The following PLD1 variants were observed in gnomAD, a reference collection of about 807,000 sequenced individuals.
PLD1 encodes the protein phospholipase D1, also known as choline phosphatase 1.
Under a neutral mutation model 137.1 loss-of-function variants are expected in PLD1, and 112 were observed. The observed-to-expected ratio is 0.82, with a 90% CI of 0.70 to 0.96. The LOEUF (loss-of-function observed/expected upper bound fraction) is 0.96. PLD1 is among the 40% of genes least tolerant of loss of function. The pLI, the probability that PLD1 is intolerant of heterozygous loss-of-function variation, is 0.00. For synonymous variants in PLD1, 431 were observed against 454.7 expected (o/e 0.95, Z 0.66); for missense variants, 1,321 against 1,342.0 (o/e 0.98, Z 0.24).
intron 23 of PLD1, among the ~76,000 whole-genome samples, chr3:171,634,379 A>C (rs1734932098): frequency 1.3e-5 from 2 of 152,162 alleles, no homozygotes; most frequent in South Asian, 4.1e-4. Context: ...GCATTTTTAC[A>C]AGCCACTGCC....
At chr3:171,640,165 C>T (rs1007717997) in intron 23 of PLD1, among the ~76,000 whole-genome samples, 6 of 151,390 alleles carry the variant, frequency 4.0e-5, no homozygotes, top group Non-Finnish European at 7.4e-5. Flanking sequence ...TCATTTATTT[C>T]CCCTCCAATC....
chr3:171,800,593 C>T (rs930147981), intron 1 of PLD1, among the ~76,000 whole-genome samples: 1 of 152,168 alleles, frequency 6.6e-6, no homozygotes, highest in Non-Finnish European at 1.5e-5. Context: ...TAGAGATGCT[C>T]CAGAAGTCTG....
chr3:171,768,905 T>C (rs748590309), intron 1 of PLD1, among the ~76,000 whole-genome samples: 8 of 152,216 alleles, frequency 5.3e-5, no homozygotes, highest in Non-Finnish European at 1.0e-4. Flanking sequence ...ATGAGACAAA[T>C]GCTCATCTCT....
intron 23 of PLD1, among the ~76,000 whole-genome samples, chr3:171,639,487 A>C (rs1262008870): frequency 4.1e-4 from 48 of 116,452 alleles, no homozygotes; most frequent in African/African-American, 1.5e-3. Flanking sequence ...TAATAGATAA[A>C]TATTTTATTT....
At chr3:171,789,453 A>G (rs1161088644) in intron 1 of PLD1, 1 of 152,274 alleles carries the variant, frequency 6.6e-6, no homozygotes, top group African/African-American at 2.4e-5. Flanking sequence ...CTTCAGAAAG[A>G]TGGCTCTGTA....
At chr3:171,712,430 A>T (rs1717337030) in intron 9 of PLD1, among the ~76,000 whole-genome samples, 1 of 152,256 alleles carries the variant, frequency 6.6e-6, no homozygotes. Flanking sequence ...GAGTAACAAG[A>T]TAAGACATTA....
At chr3:171,649,206 T>C (rs556954787) in intron 21 of PLD1, among the ~76,000 whole-genome samples, 68 of 152,292 alleles carry the variant, frequency 4.5e-4, no homozygotes, top group African/African-American at 1.6e-3. Context: ...TCTTGCAAAT[T>C]TTAGTTTGTA....
chr3:171,791,875 GAA>G (rs1353681799), intron 1 of PLD1: 5 of 152,304 alleles, frequency 3.3e-5, no homozygotes, highest in Non-Finnish European at 5.9e-5. Flanking sequence ...ACAATGGGCC[GAA>G]GTGTTCCCAG....
intron 23 of PLD1, among the ~76,000 whole-genome samples, chr3:171,642,337 A>G (rs1195790978): frequency 1.3e-5 from 2 of 151,636 alleles, no homozygotes; most frequent in African/African-American, 4.8e-5. Context: ...CACACCTGTA[A>G]TCCCAGCTAC....
intron 21 of PLD1, among the ~76,000 whole-genome samples, chr3:171,652,109 C>T (rs556375039): frequency 6.6e-6 from 1 of 152,148 alleles, no homozygotes; most frequent in South Asian, 2.1e-4. Context: ...CAATGATTGG[C>T]ATACTTAGAT....
chr3:171,730,637 C>A (rs1376937883), intron 6 of PLD1, among the ~76,000 whole-genome samples: 1 of 122,074 alleles, frequency 8.2e-6, no homozygotes, highest in African/African-American at 3.3e-5. Flanking sequence ...TATAATAAAT[C>A]TATCTCCACT....
intron 1 of PLD1, among the ~76,000 whole-genome samples, chr3:171,750,338 C>A (rs1720566076): frequency 6.6e-6 from 1 of 151,794 alleles, no homozygotes; most frequent in African/African-American, 2.4e-5. Context: ...ATCTGAAGGA[C>A]AGACAGAGGG....
At chr3:171,609,507 A>AACACACACAC (rs371080467) in intron 25 of PLD1, among the ~76,000 whole-genome samples, 2 of 136,962 alleles carry the variant, frequency 1.5e-5, no homozygotes, top group South Asian at 5.0e-4. Flanking sequence ...ACATAAAGAA[A>AACACACACAC]ACACACACAC....
intron 1 of PLD1, among the ~76,000 whole-genome samples, chr3:171,787,295 TCTCTGTACAACA>T (rs1723046642): frequency 6.6e-6 from 1 of 152,216 alleles, no homozygotes. Flanking sequence ...GGCATGGTCA[TCTCTGTACAACA>T]CAGGCCTACT....
intron 24 of PLD1, among the ~76,000 whole-genome samples, chr3:171,614,547 T>C (rs1364452423): frequency 2.0e-5 from 3 of 152,230 alleles, no homozygotes; most frequent in African/African-American, 7.2e-5. Flanking sequence ...CCTTGTTAAC[T>C]CTACAATAAC....
chr3:171,605,079 T>G (rs1376039402), intron 26 of PLD1, among the ~76,000 whole-genome samples: 1 of 152,236 alleles, frequency 6.6e-6, no homozygotes, highest in Non-Finnish European at 1.5e-5. Flanking sequence ...CAGGAGAGAC[T>G]GGAATGCTGC....
At chr3:171,724,653 G>T in intron 8 of PLD1, 43 bp downstream of exon 8, 1 of 1,110,018 alleles carries the variant, frequency 9.0e-7, no homozygotes, top group African/African-American at 1.5e-5. Flanking sequence ...CAAATACCCA[G>T]TGTATTAAAA....
In PLD1 at chr3:171,737,544, T is replaced by C. The variant is rs1442232175; in HGVS notation, c.276A>G (p.Thr92=). The C allele has an allele frequency of 1.9e-6, 3 of 1,610,506 alleles. No individual in the cohort carries two copies. The highest frequency in any genetic ancestry group is 2.5e-6 in the Non-Finnish European group (3 of 1,179,206). ...TAAACGCTCTGACCCTTGTTGTAGA[T>C]GTGAAGCGTTCCACTTCCAGAACTT... The part of the protein sequence containing the change: ...KAQVLEVERF[T]STTRVPSINL... Residue 92 remains threonine (T), a synonymous_variant, in exon 3 of 27, where the codon ACA becomes ACG. Coordinates refer to ENST00000351298, the MANE Select transcript of PLD1 (RefSeq NM_002662.5).
intron 11 of PLD1, among the ~76,000 whole-genome samples, chr3:171,705,185 T>A (rs1716584448): frequency 6.6e-6 from 1 of 152,184 alleles, no homozygotes; most frequent in African/African-American, 2.4e-5. Context: ...ATACTATTTG[T>A]GTCACTGAAG....
Sources: allele counts gnomAD v4.1 joint callset (sites outside exome capture counted in the v4.1 genomes callset), GRCh38; gene constraint gnomAD v4.1.1; transcripts MANE v1.5; gene names NCBI Gene and HGNC (gene_info 2026-07-23, HGNC 2026-07-21).